The following SH2D4A variants were observed in gnomAD, a reference collection of about 807,000 sequenced individuals.
SH2D4A encodes SH2 domain-containing protein 4A.
A neutral mutation model predicts 64.7 loss-of-function variants in SH2D4A; 70 were observed. The observed-to-expected ratio is 1.08, with a 90% CI of 0.89 to 1.32. The LOEUF (loss-of-function observed/expected upper bound fraction) is 1.32, where lower values mean the gene tolerates loss of function less well. Among genes scored for constraint, SH2D4A ranks in the 40% most tolerant of loss-of-function variants. SH2D4A has a pLI of 0.00. For missense variants in SH2D4A, 706 were observed against 540.1 expected (o/e 1.31, Z -3.04); for synonymous variants, 268 against 200.7 (o/e 1.34, Z -2.83).
At chr8:19,317,980 C>A (rs1292386376) in intron 1 of SH2D4A, among the ~76,000 whole-genome samples, 1 of 152,006 alleles carries the variant, frequency 6.6e-6, no homozygotes, top group Non-Finnish European at 1.5e-5. Context: ...CGGCTCACTG[C>A]AACCTCTGCG....
chr8:19,334,262 G>C (rs990122399), intron 3 of SH2D4A, among the ~76,000 whole-genome samples: 17 of 152,292 alleles, frequency 1.1e-4, no homozygotes, highest in Non-Finnish European at 4.4e-5. Flanking sequence ...GACTTTCAAG[G>C]GCTGGGATGC....
In SH2D4A at chr8:19,373,554, G is replaced by T. The variant is rs749179478; in HGVS notation, c.942G>T (p.Leu314=). The T allele has an allele frequency of 6.2e-7, 1 of 1,612,698 alleles. No individual in the cohort carries two copies. The highest frequency in any genetic ancestry group is 8.5e-7 in the Non-Finnish European group (1 of 1,179,382). ...PLRNQGVVRT[L]SSSAQEDIIR... ...GAAATCAGGGAGTGGTGAGGACACT[G>T]TCCAGCTCTGCCCAAGAGGACATCA... The change falls in exon 8 of 10, where the codon CTG becomes CTT. Residue 314 remains leucine, a synonymous_variant. Transcript: ENST00000265807.
intron 2 of SH2D4A, among the ~76,000 whole-genome samples, chr8:19,321,449 A>G (rs1443162523): frequency 6.6e-6 from 1 of 152,128 alleles, no homozygotes; most frequent in Non-Finnish European, 1.5e-5. Context: ...CCAGACCTCA[A>G]ACGATCTGCC....
intron 4 of SH2D4A, among the ~76,000 whole-genome samples, chr8:19,337,311 C>T (rs766015102): frequency 1.3e-5 from 2 of 152,064 alleles, no homozygotes; most frequent in Non-Finnish European, 1.5e-5. Flanking sequence ...ACAACTGACT[C>T]GATGGTACAT....
intron 8 of SH2D4A, among the ~76,000 whole-genome samples, chr8:19,378,930 A>AT (rs969024377): frequency 1.3e-5 from 2 of 150,364 alleles, no homozygotes; most frequent in African/African-American, 2.4e-5. Flanking sequence ...AAAAAAAAAA[A>AT]ATATTGCCAG....
Position 19,395,141 on chromosome 8 carries a change from C to G in SH2D4A, c.*499C>G, listed in dbSNP as rs1482451665. The G allele has an allele frequency of 6.6e-6, 1 of 152,034 alleles. No homozygotes were observed. The allele number at this position is 152,034 out of a possible 1,614,324, so 9.4% of individuals were successfully genotyped here. ...ACCTCACTTATTGTACATGTTGGAACCAGGACATGAGAGACATAGAAAAAC... is the reference window on the plus strand; with the variant it reads ...ACCTCACTTATTGTACATGTTGGAAGCAGGACATGAGAGACATAGAAAAAC... On this transcript the variant is annotated 3_prime_UTR_variant, in exon 10 of 10. Coordinates refer to ENST00000265807, the MANE Select transcript of SH2D4A (RefSeq NM_022071.4).
At chr8:19,333,878 A>G (rs1219248985) in intron 3 of SH2D4A, among the ~76,000 whole-genome samples, 1 of 152,204 alleles carries the variant, frequency 6.6e-6, no homozygotes, top group Non-Finnish European at 1.5e-5. Flanking sequence ...CAAGATCCCT[A>G]GACTTGACTA....
intron 8 of SH2D4A, among the ~76,000 whole-genome samples, chr8:19,375,827 A>G (rs1563208254): frequency 6.6e-6 from 1 of 152,190 alleles, no homozygotes; most frequent in Non-Finnish European, 1.5e-5. Context: ...TTGGGTTCAT[A>G]TATCATAACA....
intron 4 of SH2D4A, among the ~76,000 whole-genome samples, chr8:19,345,233 A>G (rs1179242776): frequency 1.3e-5 from 2 of 152,234 alleles, no homozygotes; most frequent in Non-Finnish European, 2.9e-5. Flanking sequence ...ATCCTTGTCA[A>G]CAGGGCTGCA....
chr8:19,393,896 G>A (rs184333932), intron 9 of SH2D4A, among the ~76,000 whole-genome samples: 55 of 152,308 alleles, frequency 3.6e-4, no homozygotes, highest in African/African-American at 1.1e-3. Context: ...AGTGTTGGGG[G>A]ATGGTTTCAG....
At chr8:19,352,280 T>A (rs1170331308) in intron 4 of SH2D4A, among the ~76,000 whole-genome samples, 1 of 152,218 alleles carries the variant, frequency 6.6e-6, no homozygotes, top group Admixed American at 6.5e-5. Context: ...ATTTGAACTG[T>A]CATACTTCTA....
At chr8:19,373,246 C>T (rs750649232) in intron 7 of SH2D4A, among the ~76,000 whole-genome samples, 59 of 151,714 alleles carry the variant, frequency 3.9e-4, no homozygotes, top group Non-Finnish European at 7.6e-4. Context: ...GTCAGGGCTC[C>T]AGCCTCCTGT....
At position 19,394,538 on chromosome 8, in the gene SH2D4A, T is replaced by G. The variant is rs2053554325; in HGVS notation, c.1273-12T>G. ...ACTTACACTATCTGACCCCGTGCCTTCTGATTGACAGGAGGAACCCATCAC... is the reference window on the plus strand; with the variant it reads ...ACTTACACTATCTGACCCCGTGCCTGCTGATTGACAGGAGGAACCCATCAC... On this transcript the variant is annotated splice_polypyrimidine_tract_variant and intron_variant, in intron 9 of 9. Transcript: ENST00000265807. 6.3e-7 allele frequency: 1 copy of G among 1,594,300 alleles called. No individual in the cohort carries two copies. The highest frequency in any genetic ancestry group is 1.3e-5 in the African/African-American group (1 of 74,452).
At chr8:19,386,700 A>G (rs1370131929) in intron 8 of SH2D4A, among the ~76,000 whole-genome samples, 1 of 152,138 alleles carries the variant, frequency 6.6e-6, no homozygotes, top group African/African-American at 2.4e-5. Flanking sequence ...TTTCACTTGG[A>G]ATTTTGAATA....
At chr8:19,345,155 TG>T (rs1563193965) in intron 4 of SH2D4A, among the ~76,000 whole-genome samples, 2 of 152,222 alleles carry the variant, frequency 1.3e-5, no homozygotes, top group Admixed American at 1.3e-4. Context: ...CTTCCTATGC[TG>T]CCCCTGGGAC....
intron 8 of SH2D4A, among the ~76,000 whole-genome samples, chr8:19,386,253 C>G (rs1298546184): frequency 6.6e-6 from 1 of 152,214 alleles, no homozygotes; most frequent in African/African-American, 2.4e-5. Flanking sequence ...TGTAAAGCAG[C>G]TGGAGAAGAT....
chr8:19,354,495 C>T (rs1240130553), intron 4 of SH2D4A, among the ~76,000 whole-genome samples: 7 of 152,156 alleles, frequency 4.6e-5, no homozygotes, highest in Non-Finnish European at 7.4e-5. Flanking sequence ...GTCTGGAGTA[C>T]GTGTCTGTGC....
intron 8 of SH2D4A, among the ~76,000 whole-genome samples, chr8:19,385,708 A>T (rs560352168): frequency 7.0e-4 from 107 of 152,114 alleles, no homozygotes; most frequent in Non-Finnish European, 1.4e-3. Flanking sequence ...CGGGGACCAG[A>T]TACCACCCCC....
At chr8:19,350,743 A>C (rs1355630639) in intron 4 of SH2D4A, among the ~76,000 whole-genome samples, 1 of 152,168 alleles carries the variant, frequency 6.6e-6, no homozygotes, top group East Asian at 1.9e-4. Context: ...TGGGCCTCCC[A>C]AAGTGCTGGG....
Sources: gnomAD v4.1 joint callset for allele counts (sites outside exome capture counted in the v4.1 genomes callset) on GRCh38, gnomAD v4.1.1 for gene constraint, MANE v1.5 for transcripts, NCBI Gene and HGNC (gene_info 2026-07-23, HGNC 2026-07-21) for gene names.